BBS9: variants seen among roughly 807,000 people sequenced by gnomAD.
BBS9 encodes the protein Bardet-Biedl syndrome 9.
A neutral mutation model predicts 117.7 loss-of-function variants in BBS9; 89 were observed. The observed-to-expected ratio is 0.76, with a 90% CI of 0.64 to 0.90. BBS9 has a LOEUF of 0.90. Among genes scored for constraint, BBS9 ranks in the 40% least tolerant of loss-of-function variants. The pLI, the probability that BBS9 is intolerant of heterozygous loss-of-function variation, is 0.00. For synonymous variants in BBS9, 379 were observed against 370.9 expected, an observed-to-expected ratio of 1.02 and a Z score of -0.25; for missense variants, 982 against 1,042.2, an observed-to-expected ratio of 0.94 and a Z score of 0.80.
intron 19 of BBS9, among the ~76,000 whole-genome samples, chr7:33,466,966 C>T (rs1379705704): frequency 6.6e-6 from 1 of 152,088 alleles, no homozygotes; most frequent in Non-Finnish European, 1.5e-5. Context: ...GGACCCCTTC[C>T]TCCCACAATA....
intron 1 of BBS9, among the ~76,000 whole-genome samples, chr7:33,135,510 G>T (rs1206659603): frequency 6.6e-6 from 1 of 152,142 alleles, no homozygotes; most frequent in East Asian, 1.9e-4. Context: ...TTTATTTCTG[G>T]ACTCTCAGTA....
At chr7:33,187,542 C>T (rs956057211) in intron 5 of BBS9, among the ~76,000 whole-genome samples, 2 of 152,236 alleles carry the variant, frequency 1.3e-5, no homozygotes, top group African/African-American at 2.4e-5. Flanking sequence ...CTGTCCATCC[C>T]CTCATCCATT....
At chr7:33,334,351 G>T (rs1584376915) in intron 9 of BBS9, among the ~76,000 whole-genome samples, 1 of 152,202 alleles carries the variant, frequency 6.6e-6, no homozygotes, top group Admixed American at 6.5e-5. Flanking sequence ...GGAAATGCCT[G>T]TTTGAATTCA....
rs1367948038 is a variant in BBS9, at chr7:33,407,011, A to G, written c.2115+18867A>G. Reference sequence around the variant, plus strand: ...TGCTAGATTGGGGAAGTTCTCCTGGATAATATCCTGCAGATGTTTTCCAAG... The same window carrying G: ...TGCTAGATTGGGGAAGTTCTCCTGGGTAATATCCTGCAGATGTTTTCCAAG... On this transcript the variant is annotated intron_variant, in intron 19 of 22. Coordinates refer to ENST00000242067, the MANE Select transcript of BBS9 (RefSeq NM_198428.3). Among the ~76,000 whole-genome samples, 4 of 118,998 alleles carry G rather than the reference A, an allele frequency of 3.4e-5. No individual in the cohort carries two copies. In the East Asian group the frequency reaches 1.1e-3, roughly 32 times the overall value. The allele number at this position is 118,998 out of a possible 152,430, so 78.1% of individuals were successfully genotyped here.
Position 33,351,750 on chromosome 7 carries a change from C to T in BBS9, c.1537+427C>T, listed in dbSNP as rs534563624. Among the ~76,000 whole-genome samples the T allele has an allele frequency of 2.0e-5, 3 of 152,188 alleles. No individual in the cohort carries two copies. The South Asian group carries it at 6.2e-4, about 32-fold the overall frequency. ...GGGTGGAATTTTTAAAGCGGGTTTCCACCTCACAAATTGAATACCAGGGCT... is the reference window on the plus strand; with the variant it reads ...GGGTGGAATTTTTAAAGCGGGTTTCTACCTCACAAATTGAATACCAGGGCT... On this transcript the variant is annotated intron_variant, in intron 14 of 22. Coordinates refer to ENST00000242067, the MANE Select transcript of BBS9 (RefSeq NM_198428.3).
intron 16 of BBS9, among the ~76,000 whole-genome samples, chr7:33,364,247 C>CATGATATATTATCTT (rs1821223906): frequency 3.1e-5 from 1 of 31,938 alleles, no homozygotes; most frequent in Non-Finnish European, 6.7e-5. Flanking sequence ...CGCGCCCGGC[C>CATGATATATTATCTT]TTCACTATAT....
intron 17 of BBS9, among the ~76,000 whole-genome samples, chr7:33,377,675 T>C (rs577713408): frequency 6.6e-6 from 1 of 152,312 alleles, no homozygotes; most frequent in African/African-American, 2.4e-5. Context: ...TTTCCATTTG[T>C]TTGTGTCATC....
chr7:33,374,401 C>G (rs1002937722), intron 17 of BBS9, among the ~76,000 whole-genome samples: 3 of 152,026 alleles, frequency 2.0e-5, no homozygotes, highest in Non-Finnish European at 4.4e-5. Context: ...AACTGATGCC[C>G]ACCTCATGCC....
intron 19 of BBS9, among the ~76,000 whole-genome samples, chr7:33,393,959 T>A (rs1199747959): frequency 6.6e-6 from 1 of 152,144 alleles, no homozygotes; most frequent in Non-Finnish European, 1.5e-5. Context: ...ATAGGAACCC[T>A]CAAAGCCACA....
At chr7:33,339,367 G>A (rs1388821814) in intron 10 of BBS9, among the ~76,000 whole-genome samples, 1 of 152,194 alleles carries the variant, frequency 6.6e-6, no homozygotes, top group African/African-American at 2.4e-5. Context: ...ACTTAGCTGA[G>A]TATTTTGTTG....
intron 21 of BBS9, among the ~76,000 whole-genome samples, chr7:33,578,656 C>G (rs1484473769): frequency 6.6e-6 from 1 of 152,172 alleles, no homozygotes; most frequent in East Asian, 1.9e-4. Context: ...CTGCCACACA[C>G]AGCCTGAAAA....
At chr7:33,496,906 T>G (rs1398077650) in intron 19 of BBS9, among the ~76,000 whole-genome samples, 1 of 152,208 alleles carries the variant, frequency 6.6e-6, no homozygotes, top group Non-Finnish European at 1.5e-5. Context: ...TGGATACAAA[T>G]TGGATCATTT....
At chr7:33,181,025 G>T (rs367950907) in intron 5 of BBS9, among the ~76,000 whole-genome samples, 1 of 152,292 alleles carries the variant, frequency 6.6e-6, no homozygotes, top group East Asian at 1.9e-4. Context: ...ACTCCTACTT[G>T]AGGTGCTGCT....
chr7:33,354,370 G>A (rs567641044), intron 15 of BBS9, among the ~76,000 whole-genome samples: 1 of 152,234 alleles, frequency 6.6e-6, no homozygotes, highest in East Asian at 1.9e-4. Context: ...AAAAAGAGAG[G>A]CAAACGAGGT....
chr7:33,345,917 G>A (rs10231297), intron 12 of BBS9, among the ~76,000 whole-genome samples: 3,130 of 152,238 alleles, frequency 0.021, 58 homozygotes, highest in Non-Finnish European at 0.03. Context: ...AATTAGCACC[G>A]TAAGTAAACA....
chr7:33,623,822 A>G (rs1160124098), intron 21 of BBS9, among the ~76,000 whole-genome samples: 6 of 152,180 alleles, frequency 3.9e-5, no homozygotes, highest in Non-Finnish European at 8.8e-5. Context: ...GTTTTAGGGT[A>G]TATACCTAGA....
At chr7:33,238,584 A>G (rs1483772074) in intron 5 of BBS9, among the ~76,000 whole-genome samples, 2 of 152,154 alleles carry the variant, frequency 1.3e-5, no homozygotes, top group East Asian at 3.9e-4. Context: ...GTGAGACAAC[A>G]TGACCGACCC....
At chr7:33,132,321 T>A (rs1044342195) in intron 1 of BBS9, among the ~76,000 whole-genome samples, 1 of 152,242 alleles carries the variant, frequency 6.6e-6, no homozygotes, top group African/African-American at 2.4e-5. Context: ...GATACCTGAA[T>A]AATAGTATCT....
intron 4 of BBS9, among the ~76,000 whole-genome samples, chr7:33,169,422 C>T (rs913634294): frequency 9.2e-4 from 139 of 151,562 alleles, no homozygotes; most frequent in African/African-American, 3.2e-3. Context: ...TTTACAGTCC[C>T]ACCAACAGTG....
Sources: gnomAD v4.1 joint callset for allele counts (sites outside exome capture counted in the v4.1 genomes callset) on GRCh38, gnomAD v4.1.1 for gene constraint, MANE v1.5 for transcripts, NCBI Gene and HGNC (gene_info 2026-07-23, HGNC 2026-07-21) for gene names.